Variants in MUC5B observed in about 807,000 individuals in gnomAD.
MUC5B encodes the protein mucin-5B.
In MUC5B, 116 loss-of-function variants were observed where a neutral mutation model predicts 376.9. The ratio of observed to expected loss-of-function variants is 0.31; its 90% CI spans 0.26 to 0.36. The LOEUF is 0.36. Among genes scored for constraint, MUC5B ranks in the 10% least tolerant of loss-of-function variants. The pLI, the probability that MUC5B is intolerant of heterozygous loss-of-function variation, is 1.00. For missense variants in MUC5B, 7,165 were observed against 7,769.9 expected, an observed-to-expected ratio of 0.92 and a Z score of 2.93; for synonymous variants, 3,517 against 3,390.9, an observed-to-expected ratio of 1.04 and a Z score of -1.29.
At chr11:1,225,196 C>A (rs995748788) in intron 1 of MUC5B, among the ~76,000 whole-genome samples, 1 of 152,268 alleles carries the variant, frequency 6.6e-6, no homozygotes, top group Non-Finnish European at 1.5e-5. Context: ...TAGGTTTCTG[C>A]TAAGTCACGC....
rs763526514 is a variant in MUC5B at position 1,246,683 on chromosome 11, C to A, written c.9803C>A (p.Ser3268Tyr). 5 of 1,610,434 alleles carry A rather than the reference C, an allele frequency of 3.1e-6. No homozygotes were observed. In the South Asian group the frequency reaches 5.5e-5, roughly 18 times the overall value. ...GCCACCATGTCCACAGCCACACCCT[C>A]CTCTACTCCAGAGACTGTCCACACC... ...PTATMSTATP[S>Y]STPETVHTST... Residue 3268 changes from serine (S) to tyrosine (Y), a missense_variant, in exon 31 of 49, where the codon TCC becomes TAC. Physicochemically the swap from Ser to Tyr is moderately radical, Grantham distance 144. Around this residue, in one of 31 missense-constraint regions of MUC5B, gnomAD observed 939 missense variants for 770.6 expected, o/e 1.22. Coordinates refer to ENST00000529681, the MANE Select transcript of MUC5B (RefSeq NM_002458.3).
rs1301263922 is a variant in MUC5B, at chr11:1,241,447, C to T, written c.4567C>T (p.Leu1523Phe). The T allele has an allele frequency of 1.9e-6, 3 of 1,613,462 alleles. No homozygotes were observed. Among genetic ancestry groups the T allele is most frequent in the Non-Finnish European group, 2.5e-6 (3 of 1,179,562 alleles). Residue 1523 changes from leucine (L) to phenylalanine (F), a missense_variant, in exon 31 of 49, where the codon CTT (leucine) becomes TTT (phenylalanine). Around this residue, in one of 31 missense-constraint regions of MUC5B, gnomAD observed 517 missense variants for 545.3 expected, o/e 0.95. Coordinates refer to ENST00000529681, the MANE Select transcript of MUC5B (RefSeq NM_002458.3). ...FDEDYPKSEQ[L>F]GGDVESYDKI... ...TGAGGACTACCCCAAGTCTGAACAA[C>T]TTGGAGGGGACGTTGAGTCCTACGA...
rs760618589 is a variant in MUC5B, at chr11:1,239,863, C to T, written c.3648C>T (p.Ala1216=). The part of the protein sequence containing the change: ...FFNEDQMKCV[A]QCGCYDKDGN... ...ATGAGGACCAGATGAAGTGCGTGGC[C>T]CAGTGTGGCTGCTACGACAAGGACG... Residue 1216 remains alanine, a synonymous_variant, in exon 28 of 49, where the codon GCC becomes GCT. Coordinates refer to ENST00000529681, the MANE Select transcript of MUC5B (RefSeq NM_002458.3). The T allele has an allele frequency of 5.6e-6, 9 of 1,613,226 alleles. No homozygotes were observed. Among genetic ancestry groups the T allele is most frequent in the Admixed American group, 1.7e-5 (1 of 59,914 alleles).
Position 1,241,534 on chromosome 11 carries a change from G to A in MUC5B, c.4654G>A (p.Glu1552Lys), listed in dbSNP as rs1314806323. The A allele has an allele frequency of 7.4e-6, 12 of 1,612,782 alleles. No homozygotes were observed. Among genetic ancestry groups the A allele is most frequent in the East Asian group, 2.2e-5 (1 of 44,836 alleles). The change falls in exon 31 of 49, where the codon GAG becomes AAG. Residue 1552 changes from glutamate to lysine, a missense_variant. By Grantham distance (56) the Glu-to-Lys change is moderately conservative. This residue lies in a region of MUC5B where 517 missense variants were observed against 545.3 expected (regional missense o/e 0.95). Transcript: ENST00000529681. ...QQPKDIECQA[E>K]SFPNWTLAQV... ...GCCTAAGGACATAGAGTGCCAGGCCGAGAGCTTCCCCAACTGGACCCTGGC... is the reference window on the plus strand; with the variant it reads ...GCCTAAGGACATAGAGTGCCAGGCCAAGAGCTTCCCCAACTGGACCCTGGC...
At chr11:1,254,381 T>C (rs1458799692) in intron 34 of MUC5B, 30 bp downstream of exon 34, 1 of 1,594,874 alleles carries the variant, frequency 6.3e-7, no homozygotes, top group African/African-American at 1.3e-5. Context: ...GGCACAGTGT[T>C]GGCCCAGTCC....
rs567271414 is a variant in MUC5B at position 1,245,950 on chromosome 11, G to A, written c.9070G>A (p.Val3024Met). The stretch of plus-strand genomic sequence containing the variant: ...CCCGGGAACAGCTCCCCCTCCCAAA[G>A]TGCTGACCAGCACGGCCACCACACC... ...STPGTAPPPK[V>M]LTSTATTPTA... Residue 3024 changes from valine to methionine, a missense_variant, in exon 31 of 49, where the codon GTG (valine) becomes ATG (methionine). Physicochemically the swap from Val to Met is conservative, Grantham distance 21. Transcript: ENST00000529681. 1.2e-6 allele frequency: 2 copies of A among 1,612,826 alleles called. No individual in the cohort carries two copies. Among genetic ancestry groups the A allele is most frequent in the East Asian group, 2.2e-5 (1 of 44,758 alleles).
Position 1,244,733 on chromosome 11 carries a change from C to G in MUC5B, c.7853C>G (p.Ala2618Gly), listed in dbSNP as rs201111558. 10 of 1,610,890 alleles carry G rather than the reference C, an allele frequency of 6.2e-6. No individual in the cohort carries two copies. The South Asian group carries it at 9.9e-5, about 16-fold the overall frequency. ...VLTTTTTGFT[A>G]TPSSSPGTAR... ...ACTACCACAACCACGGGCTTCACAG[C>G]CACCCCCTCCTCCAGCCCAGGGACG... Residue 2618 changes from alanine to glycine, a missense_variant, in exon 31 of 49, where the codon GCC (alanine) becomes GGC (glycine). By Grantham distance (60) the Ala-to-Gly change is moderately conservative. This residue lies in a region of MUC5B where 141 missense variants were observed against 111.2 expected (regional missense o/e 1.27). Transcript: ENST00000529681.
In MUC5B at chr11:1,241,220, G is replaced by C. The variant is rs749067075; in HGVS notation, c.4340G>C (p.Ser1447Thr). 6.3e-7 allele frequency: 1 copy of C among 1,592,666 alleles called. No homozygotes were observed. Among genetic ancestry groups the C allele is most frequent in the South Asian group, 1.1e-5 (1 of 88,126 alleles). ...APGTSPQPSL[S>T]ASTEPAVPTP... ...GGCACCAGCCCTCAGCCCTCCCTCA[G>C]TGCCAGCACGGAGCCTGCTGTGCCT... Residue 1447 changes from serine to threonine, a missense_variant, in exon 31 of 49, where the codon AGT becomes ACT. Around this residue, in one of 31 missense-constraint regions of MUC5B, gnomAD observed 517 missense variants for 545.3 expected, o/e 0.95. Coordinates refer to ENST00000529681, the MANE Select transcript of MUC5B (RefSeq NM_002458.3).
In MUC5B at chr11:1,227,417, A is replaced by AG. The variant is rs1433918158; in HGVS notation, c.667+24dup. ...GCCCACAGTGAGTGCCACCTGGGTG[A>AG]GGGGGCGGTGACCAATTATGTCGGC... On this transcript the variant is annotated intron_variant, in intron 6 of 48. Transcript: ENST00000529681. The AG allele has an allele frequency of 6.3e-7, 1 of 1,583,428 alleles. No individual in the cohort carries two copies. The highest frequency in any genetic ancestry group is 8.6e-7 in the Non-Finnish European group (1 of 1,156,976).
In MUC5B at chr11:1,236,579, C is replaced by T. The variant is rs1436637865; in HGVS notation, c.3057+17C>T. On this transcript the variant is annotated intron_variant, in intron 24 of 48. Transcript: ENST00000529681. ...GACTACAAGGTGAGCTCGGGCCGTG[C>T]ACTCCTAGGCCCTGCAGGACCCTCT... 6.8e-6 allele frequency: 11 copies of T among 1,607,512 alleles called. No homozygotes were observed. The African/African-American group carries it at 1.5e-4, about 21-fold the overall frequency.
At position 1,257,974 on chromosome 11, in the gene MUC5B, G is replaced by A. The variant is rs912991230; in HGVS notation, c.16451-125G>A. 2.1e-5 allele frequency: 22 copies of A among 1,033,884 alleles called. No individual in the cohort carries two copies. Among genetic ancestry groups the A allele is most frequent in the Non-Finnish European group, 3.1e-5 (22 of 704,104 alleles). The allele number at this position is 1,033,884 out of a possible 1,614,324, so 64.0% of individuals were successfully genotyped here. ...GGTGGCCAAGCAAGGGGCCTGGAGG[G>A]AGCCCCCAGGGGCTGTGAAGCGGTC... On this transcript the variant is annotated intron_variant, in intron 41 of 48. Transcript: ENST00000529681. The surrounding 1 kb of genome is among the most constrained non-coding windows in gnomAD (Gnocchi z 8.9).
chr11:1,232,322 C>G (rs1211328187), intron 15 of MUC5B, 128 bp from the exon 16 acceptor site: 12 of 1,355,698 alleles, frequency 8.9e-6, no homozygotes, highest in South Asian at 2.8e-5. Flanking sequence ...CCAGAACCCC[C>G]CAAGGCGCAG....
At chr11:1,255,989 C>T (rs1464912437) in intron 37 of MUC5B, among the ~76,000 whole-genome samples, 167 bp from the exon 38 acceptor site, 1 of 46,090 alleles carries the variant, frequency 2.2e-5, no homozygotes, top group African/African-American at 9.6e-5. Context: ...GGGGCGGCCC[C>T]GGGCCCCCCA....
Position 1,257,588 on chromosome 11 carries a change from C to T in MUC5B, c.16328C>T (p.Ser5443Leu), listed in dbSNP as rs781648552. 10 of 1,606,378 alleles carry T rather than the reference C, an allele frequency of 6.2e-6. No homozygotes were observed. Among genetic ancestry groups the T allele is most frequent in the East Asian group, 2.2e-5 (1 of 44,878 alleles). The part of the protein sequence containing the change: ...QSCVCDEGSV[S>L]VQCKPLPCDA... ...TGCGTGTGTGACGAGGGTTCAGTGT[C>T]GGTGCAGTGCAAGCCCCTGCCCTGT... Residue 5443 changes from serine to leucine, a missense_variant, in exon 41 of 49, where the codon TCG becomes TTG. Ser to Leu is a moderately radical substitution (Grantham distance 145). Around this residue, in one of 31 missense-constraint regions of MUC5B, gnomAD observed 842 missense variants for 1,016.9 expected, o/e 0.83. Coordinates refer to ENST00000529681, the MANE Select transcript of MUC5B (RefSeq NM_002458.3). This position sits in a 1 kb window ranked among gnomAD's most constrained non-coding sequence, Gnocchi z 8.9.
Position 1,243,021 on chromosome 11 carries a change from C to T in MUC5B, c.6141C>T (p.His2047=). The change falls in exon 31 of 49, where the codon CAC becomes CAT. Residue 2047 remains histidine (H), a synonymous_variant. Transcript: ENST00000529681. ...CCTCCTCCACCCCAGGAACAGCTCACACTACCAAAGTGCCAACTACCACAA... is the reference window on the plus strand; with the variant it reads ...CCTCCTCCACCCCAGGAACAGCTCATACTACCAAAGTGCCAACTACCACAA... The part of the protein sequence containing the change: ...ATPSSTPGTA[H]TTKVPTTTTT... 1 of 1,613,092 alleles carries T rather than the reference C, an allele frequency of 6.2e-7. No individual in the cohort carries two copies.
Position 1,244,674 on chromosome 11 carries a change from C to T in MUC5B, c.7794C>T (p.Ser2598=), listed in dbSNP as rs1490425537. 2 of 1,611,906 alleles carry T rather than the reference C, an allele frequency of 1.2e-6. No homozygotes were observed. Among genetic ancestry groups the T allele is most frequent in the Admixed American group, 1.7e-5 (1 of 59,950 alleles). ...CCGGCTCTGTGGCCACCCCCTCCTC[C>T]ACCCCAGGAACAGCTCACACTACCA... ...GATGSVATPS[S]TPGTAHTTKV... Residue 2598 remains serine, a synonymous_variant, in exon 31 of 49, where the codon TCC becomes TCT. Transcript: ENST00000529681.
At position 1,254,836 on chromosome 11, in the gene MUC5B, G is replaced by A. The variant is rs770732094; in HGVS notation, c.15620G>A (p.Arg5207Gln). The A allele has an allele frequency of 8.1e-6, 13 of 1,612,290 alleles. No homozygotes were observed. Among genetic ancestry groups the A allele is most frequent in the Non-Finnish European group, 1.1e-5 (13 of 1,179,802 alleles). ...VTFNGQVFQA[R>Q]LPYSLFHNNT... Reference sequence around the variant, plus strand: ...TTCAATGGCCAAGTCTTCCAGGCCCGGCTGCCCTACAGCCTCTTCCACAAC... The same window carrying A: ...TTCAATGGCCAAGTCTTCCAGGCCCAGCTGCCCTACAGCCTCTTCCACAAC... The change falls in exon 35 of 49, where the codon CGG becomes CAG. Residue 5207 changes from arginine (R) to glutamine (Q), a missense_variant. By Grantham distance (43) the Arg-to-Gln change is conservative. This residue lies in a region of MUC5B where 842 missense variants were observed against 1,016.9 expected (regional missense o/e 0.83). Coordinates refer to ENST00000529681, the MANE Select transcript of MUC5B (RefSeq NM_002458.3).
rs374115377 is a variant in MUC5B, at chr11:1,242,015, C to T, written c.5135C>T (p.Ser1712Leu). 56 of 1,585,488 alleles carry T rather than the reference C, an allele frequency of 3.5e-5. No individual in the cohort carries two copies. Among genetic ancestry groups the T allele is most frequent in the Non-Finnish European group, 4.8e-5 (56 of 1,166,782 alleles). Residue 1712 changes from serine (S) to leucine (L), a missense_variant, in exon 31 of 49, where the codon TCA becomes TTA. By Grantham distance (145) the Ser-to-Leu change is moderately radical. Around this residue, in one of 31 missense-constraint regions of MUC5B, gnomAD observed 897 missense variants for 779.6 expected, o/e 1.15. Transcript: ENST00000529681. ...TTGSLGTWRP[S>L]QPPTLAPTTM... ...GGGAGCTTGGGCACATGGCGCCCCT[C>T]ACAGCCACCCACGCTGGCCCCAACA...
rs373023004 is a variant in MUC5B at position 1,251,152 on chromosome 11, C to A, written c.14272C>A (p.Leu4758Met). The A allele has an allele frequency of 6.2e-7, 1 of 1,611,316 alleles. No homozygotes were observed. The highest frequency in any genetic ancestry group is 1.1e-5 in the South Asian group (1 of 91,018). Residue 4758 changes from leucine to methionine, a missense_variant, in exon 31 of 49, where the codon CTG (leucine) becomes ATG (methionine). Physicochemically the swap from Leu to Met is conservative, Grantham distance 15. Transcript: ENST00000529681. Reference sequence around the variant, plus strand: ...CTTTACACCCATCCCCTCCTCCACCCTGTGGACCACGTGGACCGTCCCAGC... The same window carrying A: ...CTTTACACCCATCCCCTCCTCCACCATGTGGACCACGTGGACCGTCCCAGC... ...TSFTPIPSSTLWTTWTVPAQT... is the reference protein window; with the variant it reads ...TSFTPIPSSTMWTTWTVPAQT...
Sources: gnomAD v4.1 joint callset for allele counts (sites outside exome capture counted in the v4.1 genomes callset) on GRCh38, gnomAD v4.1.1 for gene constraint, gnomAD v4.1.1 regional missense constraint, Gnocchi (gnomAD v3.1) non-coding constraint, MANE v1.5 for transcripts, NCBI Gene and HGNC (gene_info 2026-07-23, HGNC 2026-07-21) for gene names.